NFIA: variants seen among roughly 807,000 people sequenced by gnomAD.
NFIA encodes the protein nuclear factor 1 A-type.
Under a neutral mutation model 62.8 loss-of-function variants are expected in NFIA, and 8 were observed. The ratio of observed to expected loss-of-function variants is 0.13; its 90% CI spans 0.07 to 0.23. The LOEUF (loss-of-function observed/expected upper bound fraction) is 0.23, where lower values mean the gene tolerates loss of function less well. Ranked by LOEUF, NFIA falls within the 10% of genes least tolerant of loss-of-function variation. The pLI is 1.00. For synonymous variants in NFIA, 235 were observed against 238.1 expected (o/e 0.99, Z 0.12); for missense variants, 410 against 642.1 (o/e 0.64, Z 3.91).
intron 2 of NFIA, among the ~76,000 whole-genome samples, chr1:61,264,294 A>G (rs1656993073): frequency 6.6e-6 from 1 of 152,170 alleles, no homozygotes; most frequent in Non-Finnish European, 1.5e-5. Flanking sequence ...CAGTCCTCCC[A>G]GCAAACATGA....
intron 2 of NFIA, among the ~76,000 whole-genome samples, chr1:61,237,437 TTGAC>T (rs1430776672): frequency 1.3e-5 from 2 of 152,184 alleles, no homozygotes; most frequent in East Asian, 3.8e-4. Flanking sequence ...AGTTTGACAA[TTGAC>T]TGATAAATCT....
chr1:61,083,266 CG>C (rs1646151623), intron 1 of NFIA, among the ~76,000 whole-genome samples: 2 of 152,122 alleles, frequency 1.3e-5, no homozygotes, highest in African/African-American at 4.8e-5. Context: ...GGGCCGCCGA[CG>C]GAGCCCACCG....
intron 3 of NFIA, among the ~76,000 whole-genome samples, chr1:61,308,759 G>A (rs1659935884): frequency 6.6e-6 from 1 of 152,146 alleles, no homozygotes; most frequent in Non-Finnish European, 1.5e-5. Flanking sequence ...TGCAGCTTTA[G>A]TTTCAGGTAC....
chr1:61,212,460 T>C (rs558931979), intron 2 of NFIA, among the ~76,000 whole-genome samples: 5 of 152,344 alleles, frequency 3.3e-5, no homozygotes, highest in South Asian at 2.1e-4. Context: ...CAGCAGATAA[T>C]GTGGTAAGGA....
chr1:61,213,954 A>G (rs1342108680), intron 2 of NFIA, among the ~76,000 whole-genome samples: 1 of 152,104 alleles, frequency 6.6e-6, no homozygotes, highest in Middle Eastern at 3.2e-3. Context: ...GGGAAGATAC[A>G]CTCCAGGAAG....
In NFIA at chr1:61,088,337, A is replaced by G; in HGVS notation, c.216A>G (p.Ala72=). The G allele has an allele frequency of 6.2e-7, 1 of 1,613,630 alleles. No homozygotes were observed. Among genetic ancestry groups the G allele is most frequent in the Non-Finnish European group, 8.5e-7 (1 of 1,179,928 alleles). Residue 72 remains alanine (A), a synonymous_variant, in exon 2 of 11, where the codon GCA becomes GCG. Transcript: ENST00000403491. This position sits in a 1 kb window ranked among gnomAD's most constrained non-coding sequence, Gnocchi z 4.5. ...SEKPEVKQKW[A]SRLLAKLRKD... Reference sequence around the variant, plus strand: ...AACCAGAGGTCAAGCAGAAGTGGGCATCTCGACTTCTGGCAAAGTTGCGGA... The same window carrying G: ...AACCAGAGGTCAAGCAGAAGTGGGCGTCTCGACTTCTGGCAAAGTTGCGGA...
chr1:61,168,955 T>C, intron 2 of NFIA, among the ~76,000 whole-genome samples: 1 of 152,228 alleles, frequency 6.6e-6, no homozygotes, highest in Admixed American at 6.5e-5. Context: ...ATTTTGTTGG[T>C]GAGAAGATGC....
chr1:61,116,267 T>G (rs1349634383), intron 2 of NFIA, among the ~76,000 whole-genome samples: 1 of 152,116 alleles, frequency 6.6e-6, no homozygotes, highest in Non-Finnish European at 1.5e-5. Flanking sequence ...CTAAGTTAAT[T>G]AACAAAATGA....
intron 3 of NFIA, among the ~76,000 whole-genome samples, chr1:61,319,836 C>CACACACACACACACACACACA (rs1660580765): frequency 7.2e-6 from 1 of 139,098 alleles, no homozygotes; most frequent in African/African-American, 2.6e-5. Flanking sequence ...CACACACACA[C>CACACACACACACACACACACA]CAACTTTCAT....
intron 2 of NFIA, among the ~76,000 whole-genome samples, chr1:61,185,583 G>T (rs1388014968): frequency 6.6e-6 from 1 of 150,566 alleles, no homozygotes; most frequent in African/African-American, 2.5e-5. Flanking sequence ...GCATTGGCCT[G>T]CAAAGACACT....
intron 2 of NFIA, among the ~76,000 whole-genome samples, chr1:61,242,104 T>C (rs1289988613): frequency 6.6e-6 from 1 of 152,182 alleles, no homozygotes. Flanking sequence ...CTGGCAGTTG[T>C]GGTACTTAGC....
chr1:61,189,665 A>AAAAAAT (rs915378837), intron 2 of NFIA, among the ~76,000 whole-genome samples: 34 of 152,292 alleles, frequency 2.2e-4, no homozygotes, highest in African/African-American at 7.9e-4. Context: ...ACTCCATCTC[A>AAAAAAT]AAAAATAAAA....
chr1:61,285,232 A>G (rs1034040076), intron 3 of NFIA, among the ~76,000 whole-genome samples: 2 of 152,118 alleles, frequency 1.3e-5, no homozygotes, highest in Non-Finnish European at 2.9e-5. Flanking sequence ...ACCACTTCTA[A>G]TGGCCACTTT....
In NFIA at chr1:61,152,407, T is replaced by TA. The variant is rs1170492197; in HGVS notation, c.559+63731dup. Among the ~76,000 whole-genome samples the TA allele has an allele frequency of 2.6e-5, 4 of 152,314 alleles. No individual in the cohort carries two copies. In the East Asian group the frequency reaches 7.7e-4, roughly 29 times the overall value. On this transcript the variant is annotated intron_variant, in intron 2 of 10. Transcript: ENST00000403491. ...GTACTTTGCACTTCCTTTCCTTGTG[T>TA]AAAACTTTACCTCATTGATTCAGGC...
Position 61,462,028 on chromosome 1 carries a change from T to TTG in NFIA, c.*6709_*6710insGT, listed in dbSNP as rs1553125184. 2 of 149,486 alleles carry TTG rather than the reference T, an allele frequency of 1.3e-5. No homozygotes were observed. The highest frequency in any genetic ancestry group is 6.6e-5 in the Admixed American group (1 of 15,084). The allele number at this position is 149,486 out of a possible 1,614,324, so 9.3% of individuals were successfully genotyped here. On this transcript the variant is annotated 3_prime_UTR_variant, in exon 11 of 11. Transcript: ENST00000403491. ...TCTGTAAGTTAGCCTTTTTGGGTTT[T>TTG]TTTTTTTTTTTTTTGGCTTTTTTTT...
At chr1:61,172,284 C>T (rs942137767) in intron 2 of NFIA, among the ~76,000 whole-genome samples, 16 of 133,784 alleles carry the variant, frequency 1.2e-4, no homozygotes, top group African/African-American at 3.8e-4. Flanking sequence ...ATGGTATCCC[C>T]AGAGAAAAGT....
At chr1:61,132,059 G>A (rs933729985) in intron 2 of NFIA, among the ~76,000 whole-genome samples, 4 of 152,104 alleles carry the variant, frequency 2.6e-5, no homozygotes, top group Admixed American at 2.0e-4. Context: ...ATACACTTCT[G>A]TAGAAAAAAT....
intron 2 of NFIA, among the ~76,000 whole-genome samples, chr1:61,264,670 A>C (rs1657037443): frequency 6.7e-6 from 1 of 149,880 alleles, no homozygotes; most frequent in Admixed American, 6.6e-5. Flanking sequence ...AAAAAAAAAA[A>C]AAAAAAAAAA....
intron 9 of NFIA, among the ~76,000 whole-genome samples, chr1:61,413,181 TAA>T (rs1480353244): frequency 2.6e-5 from 4 of 152,196 alleles, no homozygotes; most frequent in Admixed American, 6.5e-5. Flanking sequence ...AAGCATATAA[TAA>T]GTTACCTTTA....
Sources: allele counts gnomAD v4.1 joint callset (sites outside exome capture counted in the v4.1 genomes callset), GRCh38; gene constraint gnomAD v4.1.1; non-coding constraint Gnocchi (gnomAD v3.1); transcripts MANE v1.5; gene names NCBI Gene and HGNC (gene_info 2026-07-23, HGNC 2026-07-21).